The following DUSP10 variants were observed in gnomAD, a reference collection of about 807,000 sequenced individuals.
DUSP10 encodes dual specificity phosphatase 10, also known as dual specificity protein phosphatase 10.
DUSP10 carries 14 observed loss-of-function variants against 30.8 expected under a neutral mutation model. The ratio of observed to expected loss-of-function variants is 0.46; its 90% CI spans 0.30 to 0.71. The LOEUF (loss-of-function observed/expected upper bound fraction) is 0.71. Among genes scored for constraint, DUSP10 ranks in the 30% least tolerant of loss-of-function variants. The pLI is 0.08. For synonymous variants in DUSP10, 254 were observed against 250.4 expected (o/e 1.01, Z -0.14); for missense variants, 550 against 619.4 (o/e 0.89, Z 1.19).
chr1:221,734,713 G>T (rs1661710673), intron 2 of DUSP10, among the ~76,000 whole-genome samples: 1 of 152,150 alleles, frequency 6.6e-6, no homozygotes, highest in Non-Finnish European at 1.5e-5. Flanking sequence ...CATTCAGGCT[G>T]ACTAGATCCG....
At chr1:221,728,837 A>G (rs918497893) in intron 2 of DUSP10, among the ~76,000 whole-genome samples, 10 of 152,140 alleles carry the variant, frequency 6.6e-5, no homozygotes, top group Admixed American at 2.0e-4. Context: ...ACCTTTGTTC[A>G]TCTACTTCCT....
At chr1:221,709,040 CCACA>C (rs1243177674) in intron 2 of DUSP10, among the ~76,000 whole-genome samples, 9 of 151,862 alleles carry the variant, frequency 5.9e-5, no homozygotes, top group Admixed American at 2.0e-4. Flanking sequence ...CTAGAAAACC[CCACA>C]CACAGAAAAA....
intron 2 of DUSP10, among the ~76,000 whole-genome samples, chr1:221,719,102 CTG>C (rs1434717152): frequency 6.6e-6 from 1 of 152,162 alleles, no homozygotes; most frequent in Non-Finnish European, 1.5e-5. Flanking sequence ...GTATGTATAA[CTG>C]TGTATTTCAG....
intron 3 of DUSP10, among the ~76,000 whole-genome samples, chr1:221,703,213 G>A (rs1418061136): frequency 6.6e-6 from 1 of 151,266 alleles, no homozygotes; most frequent in Non-Finnish European, 1.5e-5. Flanking sequence ...GTGTGTGTGT[G>A]TGTGTGTATA....
intron 2 of DUSP10, among the ~76,000 whole-genome samples, chr1:221,713,725 ATAGAATT>A: frequency 6.6e-6 from 1 of 152,274 alleles, no homozygotes; most frequent in Admixed American, 6.5e-5. Context: ...AAGAGCTTTA[ATAGAATT>A]TAGGTCCTTG....
intron 3 of DUSP10, among the ~76,000 whole-genome samples, chr1:221,705,242 T>A (rs1405287704): frequency 6.6e-6 from 1 of 151,930 alleles, no homozygotes. Flanking sequence ...CCTGAGTAGC[T>A]GGGATTACAG....
intron 1 of DUSP10, among the ~76,000 whole-genome samples, chr1:221,741,466 G>A (rs1178931543): frequency 6.6e-6 from 1 of 152,012 alleles, no homozygotes; most frequent in Non-Finnish European, 1.5e-5. Flanking sequence ...TGCAGCAGAG[G>A]GTCGGGCGTA....
intron 2 of DUSP10, among the ~76,000 whole-genome samples, chr1:221,729,807 G>A (rs1661529706): frequency 6.6e-6 from 1 of 152,164 alleles, no homozygotes; most frequent in Non-Finnish European, 1.5e-5. Flanking sequence ...TTCCTTTAAA[G>A]TCTTATCATA....
chr1:221,701,587 G>GA lies in DUSP10; in HGVS notation c.*824dup, dbSNP rs746817576. The GA allele has an allele frequency of 0.024, 970 of 40,998 alleles. 7 individuals carry two copies. Among genetic ancestry groups the GA allele is most frequent in the African/African-American group, 0.048 (556 of 11,488 alleles). The allele number at this position is 40,998 out of a possible 1,614,324, so 2.5% of individuals were successfully genotyped here. ...TGGCACTGTAACCAGAATCAAATCAGAAAAAAAAAAAAAAAAGGAAAAAGG... is the reference window on the plus strand; with the variant it reads ...TGGCACTGTAACCAGAATCAAATCAGAAAAAAAAAAAAAAAAAGGAAAAAGG... On this transcript the variant is annotated 3_prime_UTR_variant, in exon 4 of 4. Transcript: ENST00000366899.
chr1:221,710,338 GA>G (rs887958547), intron 2 of DUSP10, among the ~76,000 whole-genome samples: 18 of 152,148 alleles, frequency 1.2e-4, no homozygotes, highest in African/African-American at 4.3e-4. Context: ...CACTAGCTAT[GA>G]GACCCTGGGC....
intron 2 of DUSP10, among the ~76,000 whole-genome samples, chr1:221,722,345 G>C (rs895251913): frequency 1.3e-5 from 2 of 152,182 alleles, no homozygotes; most frequent in African/African-American, 4.8e-5. Flanking sequence ...TCTTCAGTTG[G>C]TTCTGATGAA....
rs1279205697 is a variant in DUSP10, at chr1:221,709,024, C to T, written c.812-2558G>A. The stretch of plus-strand genomic sequence containing the variant: ...GTTTAAAAAAAAAAAAAAAAACCAA[C>T]ACATGCTAGAAAACCCCACACACAG... On this transcript the variant is annotated intron_variant, in intron 2 of 3. Coordinates refer to ENST00000366899, the MANE Select transcript of DUSP10 (RefSeq NM_007207.6). 7.6e-5 allele frequency among the ~76,000 whole-genome samples: 11 copies of T among 143,970 alleles called. No individual in the cohort carries two copies. In the East Asian group the frequency reaches 2.2e-3, roughly 29 times the overall value. 94.4% of individuals were successfully genotyped at this position (143,970 alleles called of 152,430 possible). A position where few individuals can be genotyped will look rare whatever the true frequency, so the allele number is the denominator to read the frequency against.
intron 2 of DUSP10, among the ~76,000 whole-genome samples, chr1:221,709,160 T>A (rs1660860532): frequency 6.6e-6 from 1 of 152,176 alleles, no homozygotes; most frequent in Non-Finnish European, 1.5e-5. Flanking sequence ...CACAAAGACA[T>A]ACAATGACAT....
chr1:221,716,881 C>G (rs991207178), intron 2 of DUSP10, among the ~76,000 whole-genome samples: 4 of 152,204 alleles, frequency 2.6e-5, no homozygotes, highest in African/African-American at 4.8e-5. Flanking sequence ...AACAGACATG[C>G]CAGTTACATT....
At chr1:221,720,153 C>T (rs1661237151) in intron 2 of DUSP10, among the ~76,000 whole-genome samples, 1 of 152,118 alleles carries the variant, frequency 6.6e-6, no homozygotes, top group Admixed American at 6.5e-5. Context: ...CTTCTAAAAC[C>T]CCTGGAATCT....
intron 1 of DUSP10, among the ~76,000 whole-genome samples, chr1:221,741,481 C>G (rs1661953897): frequency 6.6e-6 from 1 of 152,150 alleles, no homozygotes; most frequent in African/African-American, 2.4e-5. Flanking sequence ...GGCGTACATA[C>G]TGCCCGTGAA....
intron 2 of DUSP10, among the ~76,000 whole-genome samples, chr1:221,737,778 CAAG>C (rs1661823814): frequency 6.6e-6 from 1 of 152,174 alleles, no homozygotes; most frequent in Non-Finnish European, 1.5e-5. Context: ...ACTGGGAAGA[CAAG>C]AAGGAGAATG....
At position 221,739,233 on chromosome 1, in the gene DUSP10, C is replaced by T. The variant is rs1187584814; in HGVS notation, c.512G>A (p.Gly171Asp). The change falls in exon 2 of 4, where the codon GGC becomes GAC. Residue 171 changes from glycine to aspartate, a missense_variant. Gly to Asp is a moderately conservative substitution (Grantham distance 94). Coordinates refer to ENST00000366899, the MANE Select transcript of DUSP10 (RefSeq NM_007207.6). ...GGGCCTGCAGTCAATGATGACAGGGCCCTGACTCGGCAGGTGACTCTTGCT... is the reference window on the plus strand; with the variant it reads ...GGGCCTGCAGTCAATGATGACAGGGTCCTGACTCGGCAGGTGACTCTTGCT... ...KCSKSHLPSQ[G>D]PVIIDCRPFM... The T allele has an allele frequency of 6.2e-7, 1 of 1,614,028 alleles. No homozygotes were observed. The highest frequency in any genetic ancestry group is 8.5e-7 in the Non-Finnish European group (1 of 1,180,042).
At chr1:221,732,168 G>A (rs967588272) in intron 2 of DUSP10, among the ~76,000 whole-genome samples, 7 of 152,162 alleles carry the variant, frequency 4.6e-5, no homozygotes. Context: ...GCACACCAAA[G>A]GCATTCAACA....
Sources: gnomAD v4.1 joint callset for allele counts (sites outside exome capture counted in the v4.1 genomes callset) on GRCh38, gnomAD v4.1.1 for gene constraint, MANE v1.5 for transcripts, NCBI Gene and HGNC (gene_info 2026-07-23, HGNC 2026-07-21) for gene names.